CHST9: variants seen among roughly 807,000 people sequenced by gnomAD.
CHST9 encodes GalNAc-4-sulfotransferase 2.
CHST9 carries 41 observed loss-of-function variants against 44.4 expected under a neutral mutation model. The ratio of observed to expected loss-of-function variants is 0.92; its 90% confidence interval spans 0.72 to 1.20. The LOEUF is 1.20. Among genes scored for constraint, CHST9 ranks in the 50% most tolerant of loss-of-function variants. CHST9 has a pLI of 0.00. For missense variants in CHST9, 504 were observed against 516.5 expected (o/e 0.98, Z 0.23); for synonymous variants, 171 against 178.4 (o/e 0.96, Z 0.33).
chr18:27,081,592 T>G (rs560296799), intron 2 of CHST9, among the ~76,000 whole-genome samples: 1 of 152,308 alleles, frequency 6.6e-6, no homozygotes, highest in African/African-American at 2.4e-5. Context: ...TCTTTTTATA[T>G]TTACGTTTCC....
chr18:26,988,569 T>C (rs973906305), intron 4 of CHST9, among the ~76,000 whole-genome samples: 20 of 152,254 alleles, frequency 1.3e-4, no homozygotes, highest in Non-Finnish European at 1.9e-4. Flanking sequence ...TAGGGCACCA[T>C]TGAAAAATAG....
chr18:27,043,992 T>C (rs1177252604), intron 3 of CHST9, among the ~76,000 whole-genome samples: 1 of 152,050 alleles, frequency 6.6e-6, no homozygotes, highest in African/African-American at 2.4e-5. Flanking sequence ...AATGTCTCTT[T>C]CATTAACTAT....
At chr18:27,110,418 G>T (rs1445407727) in intron 2 of CHST9, among the ~76,000 whole-genome samples, 1 of 152,108 alleles carries the variant, frequency 6.6e-6, no homozygotes, top group African/African-American at 2.4e-5. Context: ...CTAAAACAAT[G>T]AAGATATTTA....
chr18:27,177,350 T>C (rs1298700419), intron 1 of CHST9, among the ~76,000 whole-genome samples: 1 of 151,940 alleles, frequency 6.6e-6, no homozygotes, highest in African/African-American at 2.4e-5. Flanking sequence ...CATTAAAGTA[T>C]ATAATCAACA....
Position 27,055,937 on chromosome 18 carries a change from C to T in CHST9, c.122-7434G>A, listed in dbSNP as rs996465068. On this transcript the variant is annotated intron_variant, in intron 2 of 5. Coordinates refer to ENST00000618847, the MANE Select transcript of CHST9 (RefSeq NM_031422.6). ...TTTTCTTCTCACCTCTTCTCTCTTTCGTGTGTGTGTGTGTGTGTGTGTGTG... is the reference window on the plus strand; with the variant it reads ...TTTTCTTCTCACCTCTTCTCTCTTTTGTGTGTGTGTGTGTGTGTGTGTGTG... Among the ~76,000 whole-genome samples the T allele has an allele frequency of 8.1e-5, 12 of 147,446 alleles. No individual in the cohort carries two copies. The East Asian group carries it at 2.0e-3, about 24-fold the overall frequency.
chr18:27,090,712 C>A (rs2058059845), intron 2 of CHST9, among the ~76,000 whole-genome samples: 1 of 152,068 alleles, frequency 6.6e-6, no homozygotes, highest in Admixed American at 6.5e-5. Flanking sequence ...AATCCTTTCC[C>A]CATTTCTTGT....
intron 2 of CHST9, among the ~76,000 whole-genome samples, chr18:27,127,343 TG>T (rs763914129): frequency 7.2e-5 from 11 of 152,184 alleles, no homozygotes; most frequent in Non-Finnish European, 1.2e-4. Context: ...TGGGAAGGCC[TG>T]TCTTCATGGA....
At chr18:27,071,169 C>T (rs2057835573) in intron 2 of CHST9, among the ~76,000 whole-genome samples, 1 of 152,198 alleles carries the variant, frequency 6.6e-6, no homozygotes, top group Non-Finnish European at 1.5e-5. Context: ...GGCTCCTCAG[C>T]TCTCTAGCAC....
At chr18:27,119,338 T>C (rs1043023103) in intron 2 of CHST9, among the ~76,000 whole-genome samples, 2 of 152,212 alleles carry the variant, frequency 1.3e-5, no homozygotes, top group African/African-American at 4.8e-5. Context: ...TTCATTGGGC[T>C]TTTAGAAGTT....
chr18:27,119,039 C>T (rs571541319), intron 2 of CHST9, among the ~76,000 whole-genome samples: 2 of 151,994 alleles, frequency 1.3e-5, no homozygotes, highest in African/African-American at 4.8e-5. Context: ...GGAACCAAAA[C>T]CTATGTTTTT....
chr18:26,970,262 C>T (rs2056524256), intron 4 of CHST9, among the ~76,000 whole-genome samples: 1 of 152,190 alleles, frequency 6.6e-6, no homozygotes, highest in Non-Finnish European at 1.5e-5. Context: ...TATAGAATGA[C>T]ATTAGACTGC....
intron 1 of CHST9, among the ~76,000 whole-genome samples, chr18:27,169,017 C>T (rs111674635): frequency 6.6e-6 from 1 of 152,042 alleles, no homozygotes; most frequent in East Asian, 1.9e-4. Context: ...GAGTTGAAGT[C>T]ATCAGTCCTA....
intron 2 of CHST9, among the ~76,000 whole-genome samples, chr18:27,062,032 C>G (rs1181482975): frequency 6.6e-6 from 1 of 152,094 alleles, no homozygotes; most frequent in Admixed American, 6.6e-5. Context: ...GCGTTAAGTC[C>G]ACAAATACCC....
intron 3 of CHST9, among the ~76,000 whole-genome samples, chr18:27,042,354 T>C (rs558978163): frequency 1.1e-3 from 164 of 152,190 alleles, no homozygotes; most frequent in African/African-American, 3.6e-3. Context: ...AGGGGCACAC[T>C]GGTCAATGTT....
At chr18:27,042,239 A>T (rs972122121) in intron 3 of CHST9, among the ~76,000 whole-genome samples, 1 of 152,082 alleles carries the variant, frequency 6.6e-6, no homozygotes, top group Non-Finnish European at 1.5e-5. Flanking sequence ...TCTGGGTTCA[A>T]GTCTCAATTC....
At chr18:27,148,921 T>A (rs1285331843) in intron 1 of CHST9, among the ~76,000 whole-genome samples, 2 of 134,876 alleles carry the variant, frequency 1.5e-5, no homozygotes, top group African/African-American at 5.4e-5. Flanking sequence ...CAGCATCTGT[T>A]GTTTCCTGAC....
At chr18:26,998,021 G>A (rs1368194711) in intron 4 of CHST9, among the ~76,000 whole-genome samples, 1 of 152,076 alleles carries the variant, frequency 6.6e-6, no homozygotes, top group Non-Finnish European at 1.5e-5. Context: ...TTTTTGTTCT[G>A]TAATCAACAG....
chr18:26,924,567 C>T (rs770880438), intron 5 of CHST9: 150 of 937,250 alleles, frequency 1.6e-4, no homozygotes, highest in Admixed American at 1.4e-3. Flanking sequence ...TGTGATTTAC[C>T]TTGAATCTAG....
chr18:26,924,537 A>G (rs1019159561), intron 5 of CHST9: 2 of 753,044 alleles, frequency 2.7e-6, no homozygotes, highest in Admixed American at 1.3e-4. Context: ...TTATAATATT[A>G]CTCTTAATAA....
Sources: allele counts gnomAD v4.1 joint callset (sites outside exome capture counted in the v4.1 genomes callset), GRCh38; gene constraint gnomAD v4.1.1; transcripts MANE v1.5; gene names NCBI Gene and HGNC (gene_info 2026-07-23, HGNC 2026-07-21).